The following TTLL6 variants were observed in gnomAD, a reference collection of about 807,000 sequenced individuals.
TTLL6 encodes the protein tubulin tyrosine ligase like 6.
TTLL6 carries 75 observed loss-of-function variants against 96.4 expected under a neutral mutation model. The observed-to-expected ratio is 0.78, with a 90% CI of 0.65 to 0.94. The LOEUF is 0.94. TTLL6 is among the 40% of genes least tolerant of loss of function. The pLI is 0.00. For synonymous variants in TTLL6, 411 were observed against 419.4 expected (o/e 0.98, Z 0.24); for missense variants, 1,030 against 1,093.0 (o/e 0.94, Z 0.81).
At chr17:48,769,306 C>G in intron 14 of TTLL6, 52 bp from the exon 15 acceptor site, 1 of 1,535,106 alleles carries the variant, frequency 6.5e-7, no homozygotes, top group Non-Finnish European at 8.8e-7. Context: ...GGATTCAGCA[C>G]AAATTCCTGG....
intron 5 of TTLL6, chr17:48,800,103 C>A: frequency 4.4e-6 from 1 of 226,496 alleles, no homozygotes; most frequent in Non-Finnish European, 8.9e-6. Flanking sequence ...TGACATAATG[C>A]AGGCACAGTG....
intron 13 of TTLL6, among the ~76,000 whole-genome samples, chr17:48,774,096 C>CAAAAAAAAAAAAA (rs1286139436): frequency 1.6e-4 from 7 of 44,208 alleles, no homozygotes; most frequent in East Asian, 1.6e-3. Flanking sequence ...AAAAACAAAA[C>CAAAAAAAAAAAAA]AAAAAAAAAA....
Position 48,816,972 on chromosome 17 carries a change from G to C in TTLL6, c.101C>G (p.Ala34Gly), listed in dbSNP as rs867990210. ...ACCGGGCTTTGGGGCGCTCTTACCCGCAATTCCTACTCCCCCGTCTCGCCC... is the reference window on the plus strand; with the variant it reads ...ACCGGGCTTTGGGGCGCTCTTACCCCCAATTCCTACTCCCCCGTCTCGCCC... The part of the protein sequence containing the change: ...PAGRDGGVGI[A>G]GAWYFPRASS... The change falls in exon 1 of 16, where the codon GCG (alanine) becomes GGG (glycine). Residue 34 changes from alanine (A) to glycine (G), a missense_variant and splice_region_variant. Physicochemically the swap from Ala to Gly is moderately conservative, Grantham distance 60. Transcript: ENST00000393382. 1 of 1,531,966 alleles carries C rather than the reference G, an allele frequency of 6.5e-7. No homozygotes were observed. 94.9% of individuals were successfully genotyped at this position (1,531,966 alleles called of 1,614,324 possible). A position where few individuals can be genotyped will look rare whatever the true frequency, so the allele number is the denominator to read the frequency against.
chr17:48,796,527 G>C (rs559278331), intron 7 of TTLL6, among the ~76,000 whole-genome samples: 76 of 151,938 alleles, frequency 5.0e-4, no homozygotes, highest in South Asian at 1.2e-3. Flanking sequence ...GCTAAGGTAA[G>C]AGACTCGCTT....
intron 13 of TTLL6, among the ~76,000 whole-genome samples, chr17:48,773,580 G>T (rs1018899032): frequency 9.9e-5 from 15 of 152,060 alleles, no homozygotes; most frequent in African/African-American, 3.6e-4. Flanking sequence ...AAATTAGCTG[G>T]GCGTGGTGGT....
At chr17:48,801,690 T>C (rs1350724202) in intron 3 of TTLL6, 47 bp from the exon 4 acceptor site, 2 of 1,477,482 alleles carry the variant, frequency 1.4e-6, no homozygotes, top group African/African-American at 1.4e-5. Context: ...GGGGGAGGAG[T>C]ATGGGGTGGG....
chr17:48,788,293 T>G (rs2039146967), intron 10 of TTLL6, among the ~76,000 whole-genome samples: 1 of 152,220 alleles, frequency 6.6e-6, no homozygotes, highest in Non-Finnish European at 1.5e-5. Flanking sequence ...TAGCTCTGAC[T>G]AGGCAGACTG....
intron 7 of TTLL6, 82 bp from the exon 8 acceptor site, chr17:48,796,228 T>C (rs942259925): frequency 7.0e-6 from 8 of 1,142,848 alleles, no homozygotes; most frequent in African/African-American, 1.5e-5. Context: ...CCATGGCCCC[T>C]GGGGCTTGAA....
intron 13 of TTLL6, among the ~76,000 whole-genome samples, chr17:48,775,520 C>CTATTATTATTATTATTAT (rs369248868): frequency 3.5e-5 from 5 of 143,258 alleles, no homozygotes; most frequent in South Asian, 2.2e-4. Context: ...CAACATCCAT[C>CTATTATTATTATTATTAT]TATTATTATT....
At position 48,787,985 on chromosome 17, in the gene TTLL6, T is replaced by G; in HGVS notation, c.1415A>C (p.Lys472Thr). 6.2e-7 allele frequency: 1 copy of G among 1,613,846 alleles called. No homozygotes were observed. The highest frequency in any genetic ancestry group is 1.1e-5 in the South Asian group (1 of 90,992). ...CSREMRIEEA[K>T]GFRAVQLKKT... ...CTTTAACTGCACGGCCCGGAAACCC[T>G]TGGCTTCCTCAATCCTGTTGGGAAG... Residue 472 changes from lysine to threonine, a missense_variant, in exon 11 of 16, where the codon AAG becomes ACG. Physicochemically the swap from Lys to Thr is moderately conservative, Grantham distance 78. Transcript: ENST00000393382.
At position 48,769,923 on chromosome 17, in the gene TTLL6, T is replaced by C. The variant is rs775724325; in HGVS notation, c.2215A>G (p.Lys739Glu). The change falls in exon 14 of 16, where the codon AAA becomes GAA. Residue 739 changes from lysine to glutamate, a missense_variant. By Grantham distance (56) the Lys-to-Glu change is moderately conservative. Transcript: ENST00000393382. ...GTGGGCAGAAAAGATTTTAACATTT[T>C]CTTCTGGGTTAAGTGTGGAGGGGTC... ...QQTPPHLTQK[K>E]MLKSFLPTKS... The C allele has an allele frequency of 3.1e-6, 5 of 1,614,056 alleles. No individual in the cohort carries two copies. The highest frequency in any genetic ancestry group is 4.2e-6 in the Non-Finnish European group (5 of 1,180,050).
Position 48,785,165 on chromosome 17 carries a change from C to T in TTLL6, c.1798G>A (p.Asp600Asn). Residue 600 changes from aspartate (D) to asparagine (N), a missense_variant, in exon 13 of 16, where the codon GAC (aspartate) becomes AAC (asparagine). Asp to Asn is a conservative substitution (Grantham distance 23). Transcript: ENST00000393382. ...QPLTLVSYTP[D>N]LLLSVRGERK... Reference sequence around the variant, plus strand: ...TCACCTCTGACACTCAAGAGCAAGTCAGGTGTGTAGGATACTAATGTCAAT... The same window carrying T: ...TCACCTCTGACACTCAAGAGCAAGTTAGGTGTGTAGGATACTAATGTCAAT... The T allele has an allele frequency of 6.2e-7, 1 of 1,614,110 alleles. No individual in the cohort carries two copies. The highest frequency in any genetic ancestry group is 8.5e-7 in the Non-Finnish European group (1 of 1,180,040).
chr17:48,805,125 C>T, intron 1 of TTLL6, 134 bp from the exon 2 acceptor site: 1 of 710,708 alleles, frequency 1.4e-6, no homozygotes, highest in East Asian at 2.7e-5. Flanking sequence ...GCCACCCGGC[C>T]TCCGCGGTTT....
rs1052947411 is a variant in TTLL6 at position 48,762,988 on chromosome 17, T to A, written c.*1-15A>T. The A allele has an allele frequency of 5.9e-5, 24 of 403,542 alleles. No homozygotes were observed. The highest frequency in any genetic ancestry group is 1.7e-4 in the South Asian group (9 of 54,404). 25.0% of individuals were successfully genotyped at this position (403,542 alleles called of 1,614,324 possible). A position where few individuals can be genotyped will look rare whatever the true frequency, so the allele number is the denominator to read the frequency against. On this transcript the variant is annotated splice_polypyrimidine_tract_variant and intron_variant, in intron 15 of 15. Coordinates refer to ENST00000393382, the MANE Select transcript of TTLL6 (RefSeq NM_001130918.3). Reference sequence around the variant, plus strand: ...CCAGTCTGATTCTGGAAAAAAAAAATTTTTTTTTTAGATTTTCCTTTAAAA... The same window carrying A: ...CCAGTCTGATTCTGGAAAAAAAAAAATTTTTTTTTAGATTTTCCTTTAAAA...
chr17:48,795,870 T>C (rs1434867768), intron 8 of TTLL6, among the ~76,000 whole-genome samples, 191 bp downstream of exon 8: 1 of 152,206 alleles, frequency 6.6e-6, no homozygotes, highest in Non-Finnish European at 1.5e-5. Flanking sequence ...GGGGCCTTCT[T>C]TTAATGATTA....
chr17:48,799,471 A>C, intron 6 of TTLL6, 133 bp downstream of exon 6: 1 of 916,638 alleles, frequency 1.1e-6, no homozygotes. Context: ...TGGTCTGACA[A>C]AGTGCAAGGC....
chr17:48,798,224 C>T (rs1032682846), intron 6 of TTLL6, among the ~76,000 whole-genome samples: 1 of 152,088 alleles, frequency 6.6e-6, no homozygotes, highest in Non-Finnish European at 1.5e-5. Context: ...GGGTTTAAGA[C>T]CAGCCTCAGC....
Position 48,786,251 on chromosome 17 carries a change from T to C in TTLL6, c.1674A>G (p.Ala558=), listed in dbSNP as rs199897823. The part of the protein sequence containing the change: ...KKKVEMQGES[A]GEQVRKKGMR... The stretch of plus-strand genomic sequence containing the variant: ...TGCCCTTCTTTCTCACTTGCTCGCC[T>C]GCCGATTCCCCCTGCATCTCTACCT... The change falls in exon 12 of 16, where the codon GCA becomes GCG. Residue 558 remains alanine, a synonymous_variant. Coordinates refer to ENST00000393382, the MANE Select transcript of TTLL6 (RefSeq NM_001130918.3). 4.4e-4 allele frequency: 716 copies of C among 1,614,248 alleles called. 10 individuals carry two copies. The South Asian group carries it at 7.5e-3, about 17-fold the overall frequency.
chr17:48,769,628 C>T, intron 14 of TTLL6, 100 bp downstream of exon 14: 1 of 1,438,232 alleles, frequency 7.0e-7, no homozygotes, highest in Non-Finnish European at 9.4e-7. Context: ...GGGGCTGTCC[C>T]CCCTCCAAAG....
Sources: gnomAD v4.1 joint callset for allele counts (sites outside exome capture counted in the v4.1 genomes callset) on GRCh38, gnomAD v4.1.1 for gene constraint, MANE v1.5 for transcripts, NCBI Gene and HGNC (gene_info 2026-07-23, HGNC 2026-07-21) for gene names.